The following SCARB1 variants were observed in gnomAD, a reference collection of about 807,000 sequenced individuals.
SCARB1 encodes the protein scavenger receptor class B member 1, also known as CD36 and LIMPII analogous 1.
Under a neutral mutation model 57.2 loss-of-function variants are expected in SCARB1, and 30 were observed. The ratio of observed to expected loss-of-function variants is 0.52; its 90% CI spans 0.39 to 0.71. The LOEUF (loss-of-function observed/expected upper bound fraction) is 0.71, where lower values mean the gene tolerates loss of function less well. SCARB1 is among the 30% of genes least tolerant of loss of function. SCARB1 has a pLI of 0.00. For synonymous variants in SCARB1, 249 were observed against 268.3 expected (o/e 0.93, Z 0.70); for missense variants, 543 against 671.2 (o/e 0.81, Z 2.11).
chr12:124,826,863 A>G (rs1951181589), intron 1 of SCARB1, among the ~76,000 whole-genome samples: 1 of 152,224 alleles, frequency 6.6e-6, no homozygotes, highest in African/African-American at 2.4e-5. Flanking sequence ...AACACATGAA[A>G]TAATACTCTA....
In SCARB1 at chr12:124,798,700, G is replaced by A. The variant is rs182607559; in HGVS notation, c.1128+1424C>T. 1.9e-3 allele frequency among the ~76,000 whole-genome samples: 291 copies of A among 150,916 alleles called. 1 individual carries two copies. Among genetic ancestry groups the A allele is most frequent in the Non-Finnish European group, 3.3e-3 (226 of 67,618 alleles). On this transcript the variant is annotated intron_variant, in intron 8 of 12. Transcript: ENST00000261693. ...TCTACTAAAAATACAAAAATTAGCC[G>A]GGTGTGGTGGTGTGTGCCTGTAATC...
At chr12:124,808,344 C>A (rs570070336) in intron 6 of SCARB1, among the ~76,000 whole-genome samples, 75 of 152,286 alleles carry the variant, frequency 4.9e-4, no homozygotes, top group African/African-American at 1.8e-3. Context: ...CAGAATATAT[C>A]ATGCCCCTGC....
At position 124,800,579 on chromosome 12, in the gene SCARB1, A is replaced by G. The variant is rs941996883; in HGVS notation, c.1010-337T>C. On this transcript the variant is annotated intron_variant, in intron 7 of 12. Coordinates refer to ENST00000261693, the MANE Select transcript of SCARB1 (RefSeq NM_005505.5). This position sits in a 1 kb window ranked among gnomAD's most constrained non-coding sequence, Gnocchi z 4.8. ...GCAGAAGCAAGCGTGGGGAGGGGGAAATGCATGGTGCACAAGGGTGCTAGG... is the reference window on the plus strand; with the variant it reads ...GCAGAAGCAAGCGTGGGGAGGGGGAGATGCATGGTGCACAAGGGTGCTAGG... Among the ~76,000 whole-genome samples, 7 of 152,146 alleles carry G rather than the reference A, an allele frequency of 4.6e-5. No individual in the cohort carries two copies. The highest frequency in any genetic ancestry group is 1.7e-4 in the African/African-American group (7 of 41,434).
At chr12:124,851,896 G>A (rs1279051065) in intron 1 of SCARB1, among the ~76,000 whole-genome samples, 4 of 152,042 alleles carry the variant, frequency 2.6e-5, no homozygotes, top group Admixed American at 2.6e-4. Flanking sequence ...CATGACACCT[G>A]TAATCCTAAC....
At chr12:124,811,325 G>A (rs1950517817) in intron 5 of SCARB1, among the ~76,000 whole-genome samples, 1 of 152,202 alleles carries the variant, frequency 6.6e-6, no homozygotes, top group South Asian at 2.1e-4. Flanking sequence ...CCAGGCTGAA[G>A]TGAAATTGCG....
intron 1 of SCARB1, among the ~76,000 whole-genome samples, chr12:124,837,435 GAAGAAAGAA>G (rs1246993933): frequency 2.8e-5 from 4 of 144,536 alleles, no homozygotes; most frequent in African/African-American, 1.0e-4. Context: ...GGAAGAAAGG[GAAGAAAGAA>G]AAGAAAGAAA....
intron 1 of SCARB1, among the ~76,000 whole-genome samples, chr12:124,834,649 T>C (rs1234310819): frequency 6.6e-6 from 1 of 152,238 alleles, no homozygotes; most frequent in Non-Finnish European, 1.5e-5. Flanking sequence ...GGCTCACGCC[T>C]GTAATCCCAG....
At chr12:124,792,271 C>T (rs1362143502) in intron 9 of SCARB1, among the ~76,000 whole-genome samples, 5 of 152,276 alleles carry the variant, frequency 3.3e-5, no homozygotes, top group East Asian at 3.9e-4. Flanking sequence ...ACTTTTCCCA[C>T]GGCCATCCCT....
intron 1 of SCARB1, among the ~76,000 whole-genome samples, chr12:124,823,460 A>AT (rs1002795055): frequency 2.0e-5 from 3 of 152,018 alleles, no homozygotes; most frequent in Non-Finnish European, 4.4e-5. Flanking sequence ...GATGGCTAGA[A>AT]TTTTTTTTCA....
chr12:124,812,106 A>T lies in SCARB1; in HGVS notation c.631-141T>A, dbSNP rs1303867851. 1.4e-6 allele frequency: 1 copy of T among 714,912 alleles called. No individual in the cohort carries two copies. Among genetic ancestry groups the T allele is most frequent in the African/African-American group, 1.7e-5 (1 of 57,154 alleles). The allele number at this position is 714,912 out of a possible 1,614,324, so 44.3% of individuals were successfully genotyped here. On this transcript the variant is annotated intron_variant, in intron 4 of 12. Transcript: ENST00000261693. The surrounding 1 kb of genome is among the most constrained non-coding windows in gnomAD (Gnocchi z 4.3). ...GCATCTGGTTCACTGCCAAATGCCCAGTGTCTGGGGACCGAGAGGAGGCTT... is the reference window on the plus strand; with the variant it reads ...GCATCTGGTTCACTGCCAAATGCCCTGTGTCTGGGGACCGAGAGGAGGCTT...
rs534288645 is a variant in SCARB1, at chr12:124,822,853, A to T, written c.127-5146T>A. Reference sequence around the variant, plus strand: ...CAGTGAGCCGTGATCATGTGCCTGCACTCCAGTCTGGGCCACAAAGCAAGA... The same window carrying T: ...CAGTGAGCCGTGATCATGTGCCTGCTCTCCAGTCTGGGCCACAAAGCAAGA... On this transcript the variant is annotated intron_variant, in intron 1 of 12. Transcript: ENST00000261693. This position sits in a 1 kb window ranked among gnomAD's most constrained non-coding sequence, Gnocchi z 5.0. 6.6e-6 allele frequency among the ~76,000 whole-genome samples: 1 copy of T among 151,966 alleles called. No individual in the cohort carries two copies. Among genetic ancestry groups the T allele is most frequent in the African/African-American group, 2.4e-5 (1 of 41,348 alleles).
intron 1 of SCARB1, among the ~76,000 whole-genome samples, chr12:124,833,906 C>G (rs1413147463): frequency 6.6e-6 from 1 of 152,238 alleles, no homozygotes; most frequent in African/African-American, 2.4e-5. Context: ...GAGCAGGACA[C>G]TCTCCCGCAG....
chr12:124,840,289 T>A (rs561711537), intron 1 of SCARB1, among the ~76,000 whole-genome samples: 1 of 152,206 alleles, frequency 6.6e-6, no homozygotes, highest in Admixed American at 6.5e-5. Context: ...TTCTCCTGCC[T>A]CAGCCTCCTG....
intron 9 of SCARB1, among the ~76,000 whole-genome samples, chr12:124,788,777 C>T (rs1335123686): frequency 2.6e-5 from 4 of 152,210 alleles, no homozygotes; most frequent in East Asian, 3.8e-4. Context: ...ATATACCTCA[C>T]GACCCAGCAA....
intron 12 of SCARB1, among the ~76,000 whole-genome samples, chr12:124,780,840 ACTGACCAGGCC>A (rs1380613488): frequency 6.6e-6 from 1 of 152,128 alleles, no homozygotes; most frequent in Non-Finnish European, 1.5e-5. Context: ...CCTGCTCTAC[ACTGACCAGGCC>A]CTGACCAGCC....
At position 124,807,658 on chromosome 12, in the gene SCARB1, G is replaced by T; in HGVS notation, c.1009+103C>A. ...TCTTCGCCTAATGGGATTATCAAGA[G>T]TACAGAGGCCAGAGATTAAGCAGAC... On this transcript the variant is annotated intron_variant, in intron 7 of 12. Coordinates refer to ENST00000261693, the MANE Select transcript of SCARB1 (RefSeq NM_005505.5). This position sits in a 1 kb window ranked among gnomAD's most constrained non-coding sequence, Gnocchi z 5.3. 8.8e-7 allele frequency: 1 copy of T among 1,139,956 alleles called. No individual in the cohort carries two copies. The highest frequency in any genetic ancestry group is 1.3e-6 in the Non-Finnish European group (1 of 775,300). 70.6% of individuals were successfully genotyped at this position (1,139,956 alleles called of 1,614,324 possible).
chr12:124,831,971 C>G (rs938750184), intron 1 of SCARB1, among the ~76,000 whole-genome samples: 1 of 152,066 alleles, frequency 6.6e-6, no homozygotes, highest in African/African-American at 2.4e-5. Flanking sequence ...CCCACAGAGA[C>G]CAGAGGATCC....
At chr12:124,825,321 T>C (rs1447618857) in intron 1 of SCARB1, among the ~76,000 whole-genome samples, 1 of 148,960 alleles carries the variant, frequency 6.7e-6, no homozygotes, top group Admixed American at 6.7e-5. Context: ...AACTCTGCCC[T>C]AGAAAGATTC....
Position 124,782,668 on chromosome 12 carries a change from T to C in SCARB1, c.*15A>G, listed in dbSNP as rs766048795. ...GGAGGGGGCGGGGAGGCGCACGGCA[T>C]TACCTGGTACCCACCTACAGTTTTG... On this transcript the variant is annotated intron_variant, in intron 12 of 12. Coordinates refer to ENST00000261693, the MANE Select transcript of SCARB1 (RefSeq NM_005505.5). 6.2e-7 allele frequency: 1 copy of C among 1,613,330 alleles called. No homozygotes were observed. The highest frequency in any genetic ancestry group is 1.7e-5 in the Admixed American group (1 of 59,948).
Sources: gnomAD v4.1 joint callset for allele counts (sites outside exome capture counted in the v4.1 genomes callset) on GRCh38, gnomAD v4.1.1 for gene constraint, Gnocchi (gnomAD v3.1) non-coding constraint, MANE v1.5 for transcripts, NCBI Gene and HGNC (gene_info 2026-07-23, HGNC 2026-07-21) for gene names.